The following NBAS variants were observed in gnomAD, a reference collection of about 807,000 sequenced individuals.
NBAS encodes the protein NBAS subunit of NRZ tethering complex.
In NBAS, 219 loss-of-function variants were observed where a neutral mutation model predicts 302.5. That is an observed-to-expected ratio of 0.72 (90% confidence interval 0.65 to 0.81). The LOEUF (loss-of-function observed/expected upper bound fraction) is 0.81, where lower values mean the gene tolerates loss of function less well. Ranked by LOEUF, NBAS falls within the 30% of genes least tolerant of loss-of-function variation. NBAS has a pLI of 0.00. For missense variants in NBAS, 2,932 were observed against 2,841.6 expected (o/e 1.03, Z -0.72); for synonymous variants, 1,118 against 1,021.6 (o/e 1.09, Z -1.80).
At chr2:15,396,908 A>G (rs1675891617) in intron 26 of NBAS, among the ~76,000 whole-genome samples, 1 of 152,218 alleles carries the variant, frequency 6.6e-6, no homozygotes, top group African/African-American at 2.4e-5. Context: ...GGAAGTTTCC[A>G]TTAGGATTCC....
chr2:14,976,993 T>A, the NBAS span, among the ~76,000 whole-genome samples: 1 of 152,000 alleles, frequency 6.6e-6, no homozygotes, highest in African/African-American at 2.4e-5. Context: ...ATTAAGACAG[T>A]CCTAGGAAAT....
the NBAS span, among the ~76,000 whole-genome samples, chr2:14,859,183 G>C: frequency 6.6e-6 from 1 of 151,830 alleles, no homozygotes; most frequent in Non-Finnish European, 1.5e-5. Context: ...AGGAGTTGAA[G>C]AAGATTCAAA....
chr2:15,262,749 A>C (rs1668907072), intron 44 of NBAS, among the ~76,000 whole-genome samples: 1 of 152,194 alleles, frequency 6.6e-6, no homozygotes, highest in South Asian at 2.1e-4. Context: ...TCTCCTCATG[A>C]GAATTTTTAA....
the NBAS span, among the ~76,000 whole-genome samples, chr2:14,791,150 G>A: frequency 1.4e-4 from 21 of 151,294 alleles, no homozygotes; most frequent in Middle Eastern, 3.4e-3. Context: ...CCACCACGCC[G>A]GGCCCTAATT....
chr2:15,372,098 C>T (rs1298236307), intron 31 of NBAS, among the ~76,000 whole-genome samples: 1 of 152,052 alleles, frequency 6.6e-6, no homozygotes, highest in East Asian at 1.9e-4. Context: ...TAATAAGTGG[C>T]AGAAGTAGCT....
Position 15,308,288 on chromosome 2 carries a change from C to A in NBAS, c.4725G>T (p.Ala1575=), listed in dbSNP as rs368763420. The change falls in exon 40 of 52, where the codon GCG becomes GCT. Residue 1575 remains alanine, a synonymous_variant. Transcript: ENST00000281513. ...SPSALSLQLA[A]YYYSLQIYAR... is the part of the protein sequence containing the mutation. ...CATAGATCTGGAGGCTATAGTAATA[C>A]GCTGCCAGCTGGAGAGATAATGCAG... 2 of 1,614,030 alleles carry A rather than the reference C, an allele frequency of 1.2e-6. No individual in the cohort carries two copies. Among genetic ancestry groups the A allele is most frequent in the African/African-American group, 1.3e-5 (1 of 74,926 alleles).
chr2:15,312,432 C>G (rs984781213), intron 38 of NBAS, among the ~76,000 whole-genome samples: 3 of 152,134 alleles, frequency 2.0e-5, no homozygotes, highest in African/African-American at 7.2e-5. Flanking sequence ...TGCCACCACA[C>G]CAGACTATTG....
chr2:15,086,177 C>T, the NBAS span, among the ~76,000 whole-genome samples: 1 of 152,138 alleles, frequency 6.6e-6, no homozygotes. Context: ...CTCATAAAAG[C>T]CCCAGGCTGA....
rs151304975 is a variant in NBAS, at chr2:15,327,474, G to T, written c.4582+276C>A. Among the ~76,000 whole-genome samples, 759 of 152,126 alleles carry T rather than the reference G, an allele frequency of 5.0e-3. 5 individuals are homozygous for T. The highest frequency in any genetic ancestry group is 9.5e-3 in the Admixed American group (145 of 15,280). ...ATTGAGCATTTTTTCCATTCACTAG[G>T]AGAATCACTTTACATAACTAGCCAG... On this transcript the variant is annotated intron_variant, in intron 38 of 51. Coordinates refer to ENST00000281513, the MANE Select transcript of NBAS (RefSeq NM_015909.4).
chr2:14,991,495 T>C, the NBAS span, among the ~76,000 whole-genome samples: 1 of 152,218 alleles, frequency 6.6e-6, no homozygotes, highest in African/African-American at 2.4e-5. Flanking sequence ...GAAGGTTGTA[T>C]AGCCCATGGC....
chr2:15,147,132 C>T, the NBAS span, among the ~76,000 whole-genome samples: 1 of 152,132 alleles, frequency 6.6e-6, no homozygotes, highest in Non-Finnish European at 1.5e-5. Flanking sequence ...CCCTAGAGGG[C>T]AGACCTGAGA....
chr2:15,212,624 C>G (rs1011903717), intron 48 of NBAS, among the ~76,000 whole-genome samples: 1 of 152,124 alleles, frequency 6.6e-6, no homozygotes. Context: ...ATTGTAGTTC[C>G]CATAATCCCC....
At chr2:15,503,195 T>A (rs532058961) in intron 11 of NBAS, among the ~76,000 whole-genome samples, 3 of 152,264 alleles carry the variant, frequency 2.0e-5, no homozygotes, top group African/African-American at 7.2e-5. Flanking sequence ...TTCCGTGCAA[T>A]GCCTGAAGAA....
the NBAS span, among the ~76,000 whole-genome samples, chr2:14,864,322 A>T: frequency 1.4e-5 from 2 of 144,724 alleles, no homozygotes; most frequent in Admixed American, 6.9e-5. Flanking sequence ...CTCCATCTCA[A>T]AAAAAAAAAA....
the NBAS span, among the ~76,000 whole-genome samples, chr2:14,904,868 T>A: frequency 3.3e-5 from 5 of 151,260 alleles, no homozygotes; most frequent in African/African-American, 1.2e-4. Context: ...GCTAACACGG[T>A]GAAACGCTGT....
intron 23 of NBAS, among the ~76,000 whole-genome samples, chr2:15,421,067 C>T (rs1197326182): frequency 6.6e-6 from 1 of 152,038 alleles, no homozygotes; most frequent in East Asian, 1.9e-4. Flanking sequence ...TGTTTTTTTA[C>T]CTTAATGCCT....
At chr2:15,186,594 C>G (rs1665097756) in intron 50 of NBAS, 148 bp downstream of exon 50, 1 of 1,198,890 alleles carries the variant, frequency 8.3e-7, no homozygotes, top group African/African-American at 1.5e-5. Context: ...CACTGCTTTT[C>G]TTCATCTGAT....
chr2:14,973,035 G>T, the NBAS span, among the ~76,000 whole-genome samples: 1 of 152,160 alleles, frequency 6.6e-6, no homozygotes, highest in Non-Finnish European at 1.5e-5. Context: ...CTTCCATGGC[G>T]CTCACGCCAC....
chr2:14,842,155 C>T, the NBAS span, among the ~76,000 whole-genome samples: 3 of 151,584 alleles, frequency 2.0e-5, no homozygotes, highest in Non-Finnish European at 4.4e-5. Flanking sequence ...GGAAATACAA[C>T]ATAAAAAGTC....
Sources: allele counts gnomAD v4.1 joint callset (sites outside exome capture counted in the v4.1 genomes callset), GRCh38; gene constraint gnomAD v4.1.1; transcripts MANE v1.5; gene names NCBI Gene and HGNC (gene_info 2026-07-23, HGNC 2026-07-21).